PAN3: variants seen among roughly 807,000 people sequenced by gnomAD.
The protein encoded by PAN3 is poly(A) specific ribonuclease subunit PAN3.
Under a neutral mutation model 96.2 loss-of-function variants are expected in PAN3, and 19 were observed. The ratio of observed to expected loss-of-function variants is 0.20; its 90% confidence interval spans 0.14 to 0.29. PAN3 has a LOEUF of 0.29. PAN3 is among the 10% of genes least tolerant of loss of function. PAN3 has a pLI of 1.00. For synonymous variants in PAN3, 433 were observed against 406.6 expected, an observed-to-expected ratio of 1.06 and a Z score of -0.78; for missense variants, 882 against 1,108.1, an observed-to-expected ratio of 0.80 and a Z score of 2.90.
At chr13:28,213,322 G>A (rs1202963472) in intron 5 of PAN3, among the ~76,000 whole-genome samples, 1 of 152,140 alleles carries the variant, frequency 6.6e-6, no homozygotes, top group Non-Finnish European at 1.5e-5. Context: ...ATTACCTGTG[G>A]ATTTTGGTAT....
At chr13:28,202,122 G>A (rs1269279863) in intron 5 of PAN3, among the ~76,000 whole-genome samples, 3 of 151,202 alleles carry the variant, frequency 2.0e-5, no homozygotes, top group African/African-American at 7.3e-5. Flanking sequence ...ACTGTGCTTT[G>A]ACAGATCATT....
At position 28,250,148 on chromosome 13, in the gene PAN3, C is replaced by T. The variant is rs561885502; in HGVS notation, c.1001-6144C>T. On this transcript the variant is annotated intron_variant, in intron 6 of 18. Transcript: ENST00000380958. ...CTCTTAAGATTTTCTCTTTGTCTTT[C>T]GCATGCTGCATTTTTGCATAATTGG... 2.0e-5 allele frequency among the ~76,000 whole-genome samples: 3 copies of T among 150,634 alleles called. No individual in the cohort carries two copies. In the East Asian group the frequency reaches 5.8e-4, roughly 29 times the overall value.
chr13:28,154,770 A>G (rs1007231372), intron 1 of PAN3, among the ~76,000 whole-genome samples: 4 of 150,294 alleles, frequency 2.7e-5, no homozygotes, highest in Non-Finnish European at 5.9e-5. Context: ...TGCTAGGATT[A>G]CAGGTGTGAG....
intron 9 of PAN3, among the ~76,000 whole-genome samples, chr13:28,261,954 G>C (rs1162205037): frequency 6.6e-6 from 1 of 151,954 alleles, no homozygotes; most frequent in South Asian, 2.1e-4. Flanking sequence ...AGAATTCATG[G>C]TGATTTACTT....
chr13:28,179,707 C>CAA (rs749443652), intron 4 of PAN3, among the ~76,000 whole-genome samples: 87 of 81,156 alleles, frequency 1.1e-3, no homozygotes, highest in Middle Eastern at 0.018. Context: ...CTGTCTCAGA[C>CAA]AAAAAAAAAA....
rs920692299 is a variant in PAN3 at position 28,215,059 on chromosome 13, G to A, written c.853-5172G>A. On this transcript the variant is annotated intron_variant, in intron 5 of 18. Transcript: ENST00000380958. ...GTCAGCACTTATATTAATAAAATTG[G>A]CTACAATCCTGACACAGTAGCATTT... The A allele has an allele frequency of 5.8e-6, 6 of 1,043,340 alleles. No individual in the cohort carries two copies. In the African/African-American group the frequency reaches 7.8e-5, roughly 14 times the overall value. The allele number at this position is 1,043,340 out of a possible 1,614,324, so 64.6% of individuals were successfully genotyped here.
intron 1 of PAN3, among the ~76,000 whole-genome samples, chr13:28,139,494 C>T (rs1593336446): frequency 8.7e-6 from 1 of 115,386 alleles, no homozygotes; most frequent in East Asian, 2.7e-4. Context: ...GTTGAGGTTC[C>T]CTAGTGGGGA....
At chr13:28,203,695 A>G (rs572162349) in intron 5 of PAN3, among the ~76,000 whole-genome samples, 4 of 152,140 alleles carry the variant, frequency 2.6e-5, no homozygotes, top group Non-Finnish European at 4.4e-5. Flanking sequence ...AAAGTTTAAC[A>G]TTATCCAAGT....
At chr13:28,217,996 T>G (rs1301901890) in intron 5 of PAN3, among the ~76,000 whole-genome samples, 1 of 152,092 alleles carries the variant, frequency 6.6e-6, no homozygotes, top group Admixed American at 6.5e-5. Flanking sequence ...AACAGGTATT[T>G]CATTTTAATG....
chr13:28,205,214 G>A (rs892370904), intron 5 of PAN3, among the ~76,000 whole-genome samples: 9 of 152,106 alleles, frequency 5.9e-5, no homozygotes, highest in African/African-American at 2.2e-4. Context: ...ATGGGATAAT[G>A]TAGGCTTTTG....
At chr13:28,182,380 TC>T (rs1875905530) in intron 4 of PAN3, among the ~76,000 whole-genome samples, 1 of 152,214 alleles carries the variant, frequency 6.6e-6, no homozygotes, top group Non-Finnish European at 1.5e-5. Flanking sequence ...TTATTCAGCT[TC>T]CCCCTACTTC....
chr13:28,152,449 T>C (rs113537416), intron 1 of PAN3, among the ~76,000 whole-genome samples: 4,474 of 151,916 alleles, frequency 0.029, 191 homozygotes, highest in African/African-American at 0.1. Context: ...CTGGGCGTGA[T>C]GGTGGGCGCC....
intron 4 of PAN3, among the ~76,000 whole-genome samples, chr13:28,184,980 C>T (rs1455800799): frequency 6.6e-6 from 1 of 152,128 alleles, no homozygotes; most frequent in African/African-American, 2.4e-5. Context: ...CTCTGTTTCT[C>T]TCATACTATG....
intron 1 of PAN3, among the ~76,000 whole-genome samples, chr13:28,158,198 T>C (rs1872464539): frequency 6.6e-6 from 1 of 152,140 alleles, no homozygotes. Flanking sequence ...AAAAATTAAC[T>C]CATGGTGGAT....
intron 18 of PAN3, among the ~76,000 whole-genome samples, chr13:28,289,614 G>A (rs1869459567): frequency 1.3e-5 from 2 of 152,232 alleles, no homozygotes; most frequent in African/African-American, 4.8e-5. Flanking sequence ...AGGCGCAGTA[G>A]CTCGCGCCTG....
At chr13:28,239,942 T>G in intron 6 of PAN3, 2 of 177,602 alleles carry the variant, frequency 1.1e-5, no homozygotes, top group Non-Finnish European at 2.4e-5. Flanking sequence ...TGCAGTCTAC[T>G]TATGAATCCA....
chr13:28,169,032 A>G (rs1373478906), intron 1 of PAN3, among the ~76,000 whole-genome samples: 5 of 151,846 alleles, frequency 3.3e-5, no homozygotes. Flanking sequence ...AAAAAAAGTG[A>G]ATTGCAAACT....
intron 1 of PAN3, among the ~76,000 whole-genome samples, chr13:28,141,252 G>T (rs1295176078): frequency 1.3e-5 from 2 of 151,746 alleles, no homozygotes; most frequent in Non-Finnish European, 2.9e-5. Context: ...TGATCGTCCC[G>T]CCTCGGCCTC....
chr13:28,220,318 T>C lies in PAN3; in HGVS notation c.940T>C (p.Phe314Leu). 1 of 1,613,816 alleles carries C rather than the reference T, an allele frequency of 6.2e-7. No individual in the cohort carries two copies. Among genetic ancestry groups the C allele is most frequent in the Non-Finnish European group, 8.5e-7 (1 of 1,179,786 alleles). The change falls in exon 6 of 19, where the codon TTC becomes CTC. Residue 314 changes from phenylalanine to leucine, a missense_variant. Phe to Leu is a conservative substitution (Grantham distance 22, BLOSUM62 0). This residue lies in a region of PAN3 where 442 missense variants were observed against 422.8 expected (regional missense o/e 1.05). Coordinates refer to ENST00000380958, the MANE Select transcript of PAN3 (RefSeq NM_175854.8). ...SNVSQSNMSA[F>L]SQVFSHPSMG... ...CGTGTCCCAGTCAAATATGTCTGCCTTCTCTCAAGTTTTCTCTCACCCATC... is the reference window on the plus strand; with the variant it reads ...CGTGTCCCAGTCAAATATGTCTGCCCTCTCTCAAGTTTTCTCTCACCCATC...
Sources: gnomAD v4.1 joint callset for allele counts (sites outside exome capture counted in the v4.1 genomes callset) on GRCh38, gnomAD v4.1.1 for gene constraint, gnomAD v4.1.1 regional missense constraint, MANE v1.5 for transcripts, NCBI Gene and HGNC (gene_info 2026-07-23, HGNC 2026-07-21) for gene names.